The following ABCA4 variants were observed in gnomAD, a reference collection of about 807,000 sequenced individuals.
The protein encoded by ABCA4 is ATP binding cassette subfamily A member 4, also known as retinal-specific phospholipid-transporting ATPase ABCA4.
ABCA4 carries 196 observed loss-of-function variants against 263.7 expected under a neutral mutation model. That is an observed-to-expected ratio of 0.74 (90% CI 0.66 to 0.84). The LOEUF is 0.84. Ranked by LOEUF, ABCA4 falls within the 40% of genes least tolerant of loss-of-function variation. ABCA4 has a pLI of 0.00. For missense variants in ABCA4, 2,792 were observed against 2,855.1 expected, an observed-to-expected ratio of 0.98 and a Z score of 0.50; for synonymous variants, 1,133 against 1,094.2, an observed-to-expected ratio of 1.04 and a Z score of -0.70.
At chr1:94,007,116 CA>C (rs1354248549) in intron 43 of ABCA4, among the ~76,000 whole-genome samples, 1 of 152,194 alleles carries the variant, frequency 6.6e-6, no homozygotes, top group African/African-American at 2.4e-5. Flanking sequence ...TAGGCTACCC[CA>C]AAGGCCCATG....
At chr1:94,014,397 G>A in intron 38 of ABCA4, 146 bp downstream of exon 38, 5 of 877,356 alleles carry the variant, frequency 5.7e-6, no homozygotes, top group South Asian at 1.3e-5. Flanking sequence ...AAGGAAAGGA[G>A]GCAGGGTCGG....
In ABCA4 at chr1:94,080,729, G is replaced by T; in HGVS notation, c.859-11C>A. 1.2e-6 allele frequency: 2 copies of T among 1,614,128 alleles called. No homozygotes were observed. Among genetic ancestry groups the T allele is most frequent in the Non-Finnish European group, 1.7e-6 (2 of 1,180,022 alleles). ...CGGCCGATGGATAAACTAGGGCAAG[G>T]CAAAGTCTTCAGGTTATTTTAAGGC... is the stretch of plus-strand genomic sequence containing the variant. On this transcript the variant is annotated splice_polypyrimidine_tract_variant and intron_variant, in intron 7 of 49. Coordinates refer to ENST00000370225, the MANE Select transcript of ABCA4 (RefSeq NM_000350.3).
At chr1:94,023,782 A>G (rs1659966274) in intron 31 of ABCA4, among the ~76,000 whole-genome samples, 1 of 152,176 alleles carries the variant, frequency 6.6e-6, no homozygotes, top group African/African-American at 2.4e-5. Context: ...TCCACCCTGC[A>G]AAAATGAGAC....
chr1:94,119,425 A>G (rs1662887458), intron 1 of ABCA4, among the ~76,000 whole-genome samples: 1 of 152,130 alleles, frequency 6.6e-6, no homozygotes, highest in South Asian at 2.1e-4. Flanking sequence ...ATCCATGCGC[A>G]TGGTTGAAGC....
At chr1:93,996,060 G>A (rs1290219360) in intron 49 of ABCA4, 49 bp downstream of exon 49, 1 of 1,567,536 alleles carries the variant, frequency 6.4e-7, no homozygotes, top group East Asian at 2.2e-5. Context: ...GCTGGGCTCT[G>A]AGCCAAGGAA....
At chr1:94,081,617 C>T (rs565502382) in intron 7 of ABCA4, among the ~76,000 whole-genome samples, 4 of 152,062 alleles carry the variant, frequency 2.6e-5, no homozygotes, top group South Asian at 2.1e-4. Context: ...TGTGTGTGCA[C>T]GCCTGTGTGT....
intron 3 of ABCA4, 117 bp downstream of exon 3, chr1:94,111,321 C>T: frequency 2.1e-6 from 3 of 1,399,136 alleles, no homozygotes; most frequent in Non-Finnish European, 3.0e-6. Flanking sequence ...AGGTTAGGGG[C>T]TCAGCAAAGC....
intron 11 of ABCA4, among the ~76,000 whole-genome samples, chr1:94,069,745 A>G (rs1302066001): frequency 6.6e-6 from 1 of 152,224 alleles, no homozygotes; most frequent in Non-Finnish European, 1.5e-5. Flanking sequence ...AATTGGTTGG[A>G]ATGGTGAGTT....
intron 6 of ABCA4, among the ~76,000 whole-genome samples, chr1:94,097,899 G>A (rs139461296): frequency 8.5e-5 from 13 of 152,192 alleles, no homozygotes; most frequent in Admixed American, 3.9e-4. Flanking sequence ...ACAGGCGCCC[G>A]CCACCACACC....
rs772484486 is a variant in ABCA4 at position 94,037,370 on chromosome 1, T to C, written c.3608-20A>G. 36 of 1,609,306 alleles carry C rather than the reference T, an allele frequency of 2.2e-5. No individual in the cohort carries two copies. Among genetic ancestry groups the C allele is most frequent in the Non-Finnish European group, 2.8e-5 (33 of 1,176,420 alleles). ...CATCCCCTAGGACAAGAAAAAAGAC[T>C]GATGCCAGCTCTGTTTTCCAGAAAC... On this transcript the variant is annotated intron_variant, in intron 24 of 49. Coordinates refer to ENST00000370225, the MANE Select transcript of ABCA4 (RefSeq NM_000350.3).
chr1:94,050,494 G>A (rs923675209), intron 17 of ABCA4, among the ~76,000 whole-genome samples: 1 of 152,206 alleles, frequency 6.6e-6, no homozygotes, highest in African/African-American at 2.4e-5. Flanking sequence ...TGAGACAGGT[G>A]AAAAATATTT....
intron 36 of ABCA4, among the ~76,000 whole-genome samples, chr1:94,017,529 G>A (rs1168518978): frequency 6.6e-6 from 1 of 152,218 alleles, no homozygotes; most frequent in Non-Finnish European, 1.5e-5. Flanking sequence ...ACAATCAAAT[G>A]TCATGCATGA....
chr1:94,015,842 C>A lies in ABCA4; in HGVS notation c.5209G>T (p.Val1737Leu). The change falls in exon 37 of 50, where the codon GTG becomes TTG. Residue 1737 changes from valine (V) to leucine (L), a missense_variant. Transcript: ENST00000370225. ...NFLWDIMNYS[V>L]SAGLVVGIFI... ...ATGCCCACCACCAGCCCAGCACTCA[C>A]GGAATAATTCATCTCGGAAAGAGAA... 1.2e-6 allele frequency: 2 copies of A among 1,613,450 alleles called. No individual in the cohort carries two copies. The highest frequency in any genetic ancestry group is 1.7e-6 in the Non-Finnish European group (2 of 1,179,766).
rs752617721 is a variant in ABCA4, at chr1:94,008,777, T to G, written c.5809A>C (p.Ile1937Leu). The G allele has an allele frequency of 6.2e-7, 1 of 1,614,022 alleles. No homozygotes were observed. Among genetic ancestry groups the G allele is most frequent in the East Asian group, 2.2e-5 (1 of 44,862 alleles). Residue 1937 changes from isoleucine (I) to leucine (L), a missense_variant, in exon 41 of 50, where the codon ATC (isoleucine) becomes CTC (leucine). Coordinates refer to ENST00000370225, the MANE Select transcript of ABCA4 (RefSeq NM_000350.3). Reference protein sequence around the residue: ...RIITGGNKTDILRLHELTKIY... With the variant: ...RIITGGNKTDLLRLHELTKIY... Reference sequence around the variant, plus strand: ...TTGGTTAGTTCATGTAGCCTTAAGATGTCAGTTTTATTTCCACCAGTAATA... The same window carrying G: ...TTGGTTAGTTCATGTAGCCTTAAGAGGTCAGTTTTATTTCCACCAGTAATA...
chr1:93,993,211 G>T lies in ABCA4; in HGVS notation c.*26C>A, dbSNP rs200946608. 2,719 of 1,613,842 alleles carry T rather than the reference G, an allele frequency of 1.7e-3. 16 individuals carry two copies. The highest frequency in any genetic ancestry group is 1.1e-3 in the Non-Finnish European group (1,248 of 1,179,838). On this transcript the variant is annotated 3_prime_UTR_variant, in exon 50 of 50. Transcript: ENST00000370225. Reference sequence around the variant, plus strand: ...TCCAGCTGCCCAGAGTTCCTTTCTGGCTGCAGGAACGAGCGGTGTGAAAGA... The same window carrying T: ...TCCAGCTGCCCAGAGTTCCTTTCTGTCTGCAGGAACGAGCGGTGTGAAAGA...
intron 30 of ABCA4, among the ~76,000 whole-genome samples, chr1:94,026,266 A>C: frequency 6.6e-6 from 1 of 151,592 alleles, no homozygotes; most frequent in African/African-American, 2.4e-5. Context: ...CACTCTTTTC[A>C]CCTTGTTTCT....
intron 6 of ABCA4, among the ~76,000 whole-genome samples, chr1:94,086,053 C>T (rs1661817888): frequency 1.3e-5 from 2 of 152,176 alleles, no homozygotes; most frequent in African/African-American, 4.8e-5. Context: ...TCTATCTCCC[C>T]TGTAAGACTC....
Position 94,021,425 on chromosome 1 carries a change from G to A in ABCA4, c.4849-16C>T, listed in dbSNP as rs765388373. On this transcript the variant is annotated splice_polypyrimidine_tract_variant and intron_variant, in intron 34 of 49. Transcript: ENST00000370225. ...TAAACCACACCTAGAGGGTGGAGAG[G>A]ACATCTGAGACGCTGCACTAACAGC... The A allele has an allele frequency of 2.8e-5, 45 of 1,614,022 alleles. No individual in the cohort carries two copies. In the Admixed American group the frequency reaches 7.3e-4, roughly 26 times the overall value.
At chr1:94,042,932 G>T in intron 21 of ABCA4, 34 bp from the exon 22 acceptor site, 1 of 1,614,012 alleles carries the variant, frequency 6.2e-7, no homozygotes, top group Non-Finnish European at 8.5e-7. Context: ...GAGTTAAGGG[G>T]CTGTGGAGGG....
Sources: allele counts gnomAD v4.1 joint callset (sites outside exome capture counted in the v4.1 genomes callset), GRCh38; gene constraint gnomAD v4.1.1; transcripts MANE v1.5; gene names NCBI Gene and HGNC (gene_info 2026-07-23, HGNC 2026-07-21).